The following PLPP4 variants were observed in gnomAD, a reference collection of about 807,000 sequenced individuals.
PLPP4 encodes diacylglycerol pyrophosphate like 2.
PLPP4 carries 20 observed loss-of-function variants against 32.2 expected under a neutral mutation model. That is an observed-to-expected ratio of 0.62 (90% CI 0.44 to 0.90). PLPP4 has a LOEUF of 0.90. PLPP4 is among the 40% of genes least tolerant of loss of function. The probability of loss-of-function intolerance (pLI) is 0.00; values close to 1 mark genes in which losing one functional copy is unlikely to be tolerated. For missense variants in PLPP4, 257 were observed against 353.1 expected, an observed-to-expected ratio of 0.73 and a Z score of 2.18; for synonymous variants, 127 against 133.0, an observed-to-expected ratio of 0.95 and a Z score of 0.31.
intron 5 of PLPP4, among the ~76,000 whole-genome samples, chr10:120,568,668 A>C (rs563804701): frequency 6.6e-5 from 10 of 152,322 alleles, no homozygotes; most frequent in Middle Eastern, 3.4e-3. Flanking sequence ...AGCTCCTCTA[A>C]TGTCATTATG....
intron 2 of PLPP4, among the ~76,000 whole-genome samples, chr10:120,510,966 G>A (rs1845702516): frequency 6.6e-6 from 1 of 152,184 alleles, no homozygotes; most frequent in African/African-American, 2.4e-5. Flanking sequence ...GCAACTCTGG[G>A]GTGGGAACCA....
At chr10:120,458,869 T>C (rs1847911303) in intron 1 of PLPP4, among the ~76,000 whole-genome samples, 1 of 152,208 alleles carries the variant, frequency 6.6e-6, no homozygotes, top group African/African-American at 2.4e-5. Context: ...ATAGAAATGA[T>C]AAACTAGTTT....
chr10:120,556,277 A>G (rs1848161612), intron 5 of PLPP4, among the ~76,000 whole-genome samples: 2 of 152,154 alleles, frequency 1.3e-5, no homozygotes, highest in Admixed American at 6.5e-5. Flanking sequence ...CCTGGGGGGT[A>G]ATTCTTCTAG....
At chr10:120,511,219 C>A (rs1190585884) in intron 2 of PLPP4, among the ~76,000 whole-genome samples, 1 of 152,132 alleles carries the variant, frequency 6.6e-6, no homozygotes, top group Admixed American at 6.5e-5. Context: ...CTAAAGGAGA[C>A]CACTGGGCCA....
chr10:120,499,440 A>G (rs1025672127), intron 1 of PLPP4, among the ~76,000 whole-genome samples: 1 of 151,766 alleles, frequency 6.6e-6, no homozygotes, highest in African/African-American at 2.4e-5. Context: ...AACAACCACA[A>G]TTACTTTTGC....
chr10:120,562,389 G>A (rs1053749486), intron 5 of PLPP4, among the ~76,000 whole-genome samples: 7 of 152,032 alleles, frequency 4.6e-5, no homozygotes, highest in Admixed American at 4.6e-4. Context: ...AATAAGTACA[G>A]TTTCATTTTT....
intron 1 of PLPP4, among the ~76,000 whole-genome samples, chr10:120,502,192 G>A (rs1845287803): frequency 6.6e-6 from 1 of 152,214 alleles, no homozygotes; most frequent in African/African-American, 2.4e-5. Context: ...CAGTCATCTG[G>A]CAAATAGCTA....
chr10:120,511,869 G>C (rs1057421798), intron 2 of PLPP4, among the ~76,000 whole-genome samples: 3 of 152,134 alleles, frequency 2.0e-5, no homozygotes, highest in Non-Finnish European at 4.4e-5. Context: ...CGAGGTGGCG[G>C]ATCATGAGGT....
chr10:120,579,890 G>C (rs12258075), intron 6 of PLPP4, among the ~76,000 whole-genome samples: 13,451 of 150,174 alleles, frequency 0.09, 880 homozygotes, highest in African/African-American at 0.17. Flanking sequence ...GGCAGATCAC[G>C]AGGTCAGGAG....
intron 5 of PLPP4, among the ~76,000 whole-genome samples, chr10:120,555,704 A>G (rs1339861983): frequency 6.6e-6 from 1 of 152,188 alleles, no homozygotes; most frequent in South Asian, 2.1e-4. Context: ...AATGAATGTA[A>G]TTTCAAGTCT....
chr10:120,583,284 G>T (rs1564857689), intron 6 of PLPP4, among the ~76,000 whole-genome samples: 1 of 151,764 alleles, frequency 6.6e-6, no homozygotes, highest in Non-Finnish European at 1.5e-5. Context: ...AACTCATAAG[G>T]TCCTTCCTGT....
At chr10:120,528,165 G>T (rs564377034) in intron 5 of PLPP4, among the ~76,000 whole-genome samples, 27 of 137,686 alleles carry the variant, frequency 2.0e-4, no homozygotes, top group Admixed American at 1.7e-3. Flanking sequence ...AGCTCCGCCT[G>T]CCGGGTTCAC....
At chr10:120,533,440 G>T (rs1161426197) in intron 5 of PLPP4, among the ~76,000 whole-genome samples, 5 of 152,054 alleles carry the variant, frequency 3.3e-5, no homozygotes, top group Non-Finnish European at 7.4e-5. Context: ...TATATGACTT[G>T]CAAATATCTT....
chr10:120,457,287 G>C lies in PLPP4; in HGVS notation c.-19G>C. 6.7e-7 allele frequency: 1 copy of C among 1,494,946 alleles called. No homozygotes were observed. The highest frequency in any genetic ancestry group is 2.8e-5 in the East Asian group (1 of 35,100). The allele number at this position is 1,494,946 out of a possible 1,614,324, so 92.6% of individuals were successfully genotyped here. ...CGGAGAGCACCAGCTGACGCCGCGG[G>C]AGCTGCTCCGGCCGCACCATGCGGG... On this transcript the variant is annotated 5_prime_UTR_variant, in exon 1 of 7. Transcript: ENST00000398250.
chr10:120,541,733 A>C (rs1479936225), intron 5 of PLPP4, among the ~76,000 whole-genome samples: 1 of 151,874 alleles, frequency 6.6e-6, no homozygotes, highest in East Asian at 1.9e-4. Flanking sequence ...TTCTCTGGTC[A>C]TGGCCTGCTG....
chr10:120,475,269 C>T (rs371113897), intron 1 of PLPP4, among the ~76,000 whole-genome samples: 88 of 150,706 alleles, frequency 5.8e-4, no homozygotes, highest in African/African-American at 2.0e-3. Flanking sequence ...CTTTTTTTCC[C>T]TCTTAACCAA....
chr10:120,505,849 A>G (rs1315286914), intron 2 of PLPP4, among the ~76,000 whole-genome samples: 9 of 152,344 alleles, frequency 5.9e-5, no homozygotes, highest in Admixed American at 3.9e-4. Context: ...GAGTTTACTC[A>G]ATGGCTTTAA....
intron 1 of PLPP4, among the ~76,000 whole-genome samples, chr10:120,489,104 G>A (rs1244403820): frequency 6.6e-6 from 1 of 152,184 alleles, no homozygotes. Flanking sequence ...TTTACTGCAT[G>A]AATAAGGAGC....
chr10:120,550,398 T>A (rs1216014630), intron 5 of PLPP4, among the ~76,000 whole-genome samples: 1 of 151,960 alleles, frequency 6.6e-6, no homozygotes, highest in Non-Finnish European at 1.5e-5. Context: ...CAAAATCCTA[T>A]TTAGATTCTG....
Sources: allele counts gnomAD v4.1 joint callset (sites outside exome capture counted in the v4.1 genomes callset), GRCh38; gene constraint gnomAD v4.1.1; transcripts MANE v1.5; gene names NCBI Gene and HGNC (gene_info 2026-07-23, HGNC 2026-07-21).